Variants in SPATS2 observed in about 807,000 individuals in gnomAD.
The protein encoded by SPATS2 is spermatogenesis associated serine rich 2.
SPATS2 carries 38 observed loss-of-function variants against 63.7 expected under a neutral mutation model. The ratio of observed to expected loss-of-function variants is 0.60; its 90% CI spans 0.46 to 0.78. The LOEUF (loss-of-function observed/expected upper bound fraction) is 0.78, where lower values mean the gene tolerates loss of function less well. SPATS2 is among the 30% of genes least tolerant of loss of function. The pLI is 0.00. For synonymous variants in SPATS2, 207 were observed against 232.9 expected (o/e 0.89, Z 1.01); for missense variants, 588 against 666.2 (o/e 0.88, Z 1.29).
At chr12:49,515,398 A>T (rs1318922369) in intron 10 of SPATS2, among the ~76,000 whole-genome samples, 1 of 152,304 alleles carries the variant, frequency 6.6e-6, no homozygotes, top group East Asian at 1.9e-4. Context: ...ACCCACCCCC[A>T]AACTGGTAAG....
At chr12:49,474,512 T>C (rs1484848896) in intron 3 of SPATS2, among the ~76,000 whole-genome samples, 1 of 152,240 alleles carries the variant, frequency 6.6e-6, no homozygotes, top group African/African-American at 2.4e-5. Context: ...TTCACTCTTT[T>C]ACAGTTCTAA....
chr12:49,454,699 A>G (rs1945687771), intron 2 of SPATS2, among the ~76,000 whole-genome samples: 1 of 152,116 alleles, frequency 6.6e-6, no homozygotes, highest in African/African-American at 2.4e-5. Context: ...ACTGGGCAAC[A>G]TGGTGAAACC....
intron 2 of SPATS2, among the ~76,000 whole-genome samples, chr12:49,435,384 G>GTA (rs1332530076): frequency 6.7e-6 from 1 of 150,344 alleles, no homozygotes; most frequent in South Asian, 2.1e-4. Flanking sequence ...GAGTGCCATG[G>GTA]TATGATCTTG....
At chr12:49,402,419 G>A (rs900063230) in intron 2 of SPATS2, among the ~76,000 whole-genome samples, 1 of 152,164 alleles carries the variant, frequency 6.6e-6, no homozygotes, top group African/African-American at 2.4e-5. Flanking sequence ...GTGCTAGATG[G>A]AGCAATCTGA....
chr12:49,371,069 C>T (rs11836276), intron 1 of SPATS2, among the ~76,000 whole-genome samples, 159 bp from the exon 2 acceptor site: 22 of 152,288 alleles, frequency 1.4e-4, no homozygotes, highest in African/African-American at 3.6e-4. Context: ...AAAAATTTAG[C>T]GTTTTAACCA....
At chr12:49,424,618 T>C (rs1228859187) in intron 2 of SPATS2, among the ~76,000 whole-genome samples, 4 of 152,174 alleles carry the variant, frequency 2.6e-5, no homozygotes, top group Non-Finnish European at 4.4e-5. Context: ...TTACTGTTAA[T>C]TGGGAAAGTT....
chr12:49,383,294 C>T (rs1944255778), intron 2 of SPATS2, among the ~76,000 whole-genome samples: 1 of 151,996 alleles, frequency 6.6e-6, no homozygotes, highest in Non-Finnish European at 1.5e-5. Context: ...GCTGGGATTA[C>T]AGGTGTGAGA....
At chr12:49,435,500 A>G (rs550757287) in intron 2 of SPATS2, among the ~76,000 whole-genome samples, 1 of 146,568 alleles carries the variant, frequency 6.8e-6, no homozygotes, top group East Asian at 2.1e-4. Flanking sequence ...TAATTTTTGT[A>G]TTTTTAGTAG....
chr12:49,443,062 T>C (rs994612049), intron 2 of SPATS2, among the ~76,000 whole-genome samples: 4 of 152,302 alleles, frequency 2.6e-5, no homozygotes, highest in Middle Eastern at 3.4e-3. Flanking sequence ...TTCATCCTTG[T>C]AGCATGTGTC....
chr12:49,478,408 G>A (rs1946153938), intron 3 of SPATS2, among the ~76,000 whole-genome samples: 1 of 152,134 alleles, frequency 6.6e-6, no homozygotes, highest in Non-Finnish European at 1.5e-5. Flanking sequence ...TGCACATGAA[G>A]AAACTGAACT....
intron 4 of SPATS2, among the ~76,000 whole-genome samples, 193 bp downstream of exon 4, chr12:49,484,862 C>T (rs555557538): frequency 9.2e-5 from 14 of 152,248 alleles, no homozygotes; most frequent in Non-Finnish European, 1.5e-4. Flanking sequence ...CTATTAAATG[C>T]AAACATTTTC....
Position 49,492,383 on chromosome 12 carries a change from G to C in SPATS2, c.264+1652G>C, listed in dbSNP as rs186789068. Among the ~76,000 whole-genome samples, 75 of 146,306 alleles carry C rather than the reference G, an allele frequency of 5.1e-4. No individual in the cohort carries two copies. The East Asian group carries it at 0.01, about 20-fold the overall frequency. ...CTACAGGTGCGTGCCACTGCGCCTGGCTAATATTTGTATTTTTTAGTAGAG... is the reference window on the plus strand; with the variant it reads ...CTACAGGTGCGTGCCACTGCGCCTGCCTAATATTTGTATTTTTTAGTAGAG... On this transcript the variant is annotated intron_variant, in intron 6 of 13. Transcript: ENST00000552918.
chr12:49,433,479 T>C (rs573400838), intron 2 of SPATS2, among the ~76,000 whole-genome samples: 1 of 152,322 alleles, frequency 6.6e-6, no homozygotes, highest in Non-Finnish European at 1.5e-5. Flanking sequence ...TTTGTTTTGC[T>C]TTTTTAAGAG....
intron 2 of SPATS2, among the ~76,000 whole-genome samples, chr12:49,389,329 A>C (rs1193047617): frequency 6.6e-6 from 1 of 152,056 alleles, no homozygotes; most frequent in African/African-American, 2.4e-5. Flanking sequence ...GTGGGGCTAA[A>C]CGCTACTGGC....
chr12:49,397,771 A>G (rs150038359), intron 2 of SPATS2, among the ~76,000 whole-genome samples: 1 of 147,568 alleles, frequency 6.8e-6, no homozygotes, highest in Non-Finnish European at 1.5e-5. Context: ...TTGAGGCTGC[A>G]GTGAGCTATG....
At chr12:49,456,013 G>A (rs1945713105) in intron 2 of SPATS2, among the ~76,000 whole-genome samples, 2 of 152,168 alleles carry the variant, frequency 1.3e-5, no homozygotes, top group South Asian at 4.1e-4. Context: ...CCTCAGGCTA[G>A]CTGAGCCCTT....
chr12:49,493,951 G>A (rs992915178), intron 6 of SPATS2, among the ~76,000 whole-genome samples: 1 of 152,022 alleles, frequency 6.6e-6, no homozygotes, highest in South Asian at 2.1e-4. Context: ...CTGTTTAGAC[G>A]TGCCACAATT....
At chr12:49,522,471 A>C (rs144153633) in intron 11 of SPATS2, among the ~76,000 whole-genome samples, 11 of 152,280 alleles carry the variant, frequency 7.2e-5, no homozygotes, top group African/African-American at 2.4e-4. Context: ...TCTACTATAA[A>C]TTCTTCCTCC....
chr12:49,420,901 G>T (rs1207044468), intron 2 of SPATS2, among the ~76,000 whole-genome samples: 1 of 152,086 alleles, frequency 6.6e-6, no homozygotes, highest in African/African-American at 2.4e-5. Flanking sequence ...CATCTACTCC[G>T]GAGGCTGAGA....
Sources: allele counts gnomAD v4.1 joint callset (sites outside exome capture counted in the v4.1 genomes callset), GRCh38; gene constraint gnomAD v4.1.1; transcripts MANE v1.5; gene names NCBI Gene and HGNC (gene_info 2026-07-23, HGNC 2026-07-21).